The following ZNF516 variants were observed in gnomAD, a reference collection of about 807,000 sequenced individuals.
ZNF516 encodes the protein zinc finger protein 516.
ZNF516 carries 19 observed loss-of-function variants against 79.7 expected under a neutral mutation model. The observed-to-expected ratio is 0.24, with a 90% confidence interval of 0.17 to 0.35. The LOEUF is 0.35. ZNF516 is among the 10% of genes least tolerant of loss of function. The probability of loss-of-function intolerance (pLI) is 1.00; values close to 1 mark genes in which losing one functional copy is unlikely to be tolerated. For synonymous variants in ZNF516, 877 were observed against 739.5 expected (o/e 1.19, Z -3.02); for missense variants, 1,678 against 1,679.5 (o/e 1.00, Z 0.02).
At chr18:76,421,404 G>A (rs2075505563) in intron 3 of ZNF516, among the ~76,000 whole-genome samples, 1 of 152,182 alleles carries the variant, frequency 6.6e-6, no homozygotes, top group South Asian at 2.1e-4. Context: ...GAGCTTTAAG[G>A]AACAAGTCCC....
intron 3 of ZNF516, among the ~76,000 whole-genome samples, chr18:76,421,966 T>C (rs1414147281): frequency 6.6e-6 from 1 of 152,172 alleles, no homozygotes; most frequent in Non-Finnish European, 1.5e-5. Context: ...TTTTGTTTTG[T>C]TTTGTTTTTT....
intron 5 of ZNF516, 96 bp downstream of exon 5, chr18:76,371,371 C>T: frequency 1.6e-6 from 2 of 1,272,010 alleles, no homozygotes; most frequent in Non-Finnish European, 2.2e-6. Flanking sequence ...GGGCTGAAAT[C>T]TCAGTATCTC....
chr18:76,384,254 GC>G (rs1254532001), intron 3 of ZNF516, among the ~76,000 whole-genome samples: 1 of 149,752 alleles, frequency 6.7e-6, no homozygotes, highest in Non-Finnish European at 1.5e-5. Flanking sequence ...ACACACCCGT[GC>G]CCCCTCCACG....
At chr18:76,481,065 T>C (rs1238995552) in intron 1 of ZNF516, among the ~76,000 whole-genome samples, 2 of 152,138 alleles carry the variant, frequency 1.3e-5, no homozygotes, top group African/African-American at 4.8e-5. Flanking sequence ...GTTTCTGAGC[T>C]GAGGAGGGTG....
Position 76,493,108 on chromosome 18 carries a change from TC to T in ZNF516, c.-272+2035del, listed in dbSNP as rs370584253. 44 of 983,394 alleles carry T rather than the reference TC, an allele frequency of 4.5e-5. No individual in the cohort carries two copies. The highest frequency in any genetic ancestry group is 3.1e-4 in the Admixed American group (5 of 16,190). 60.9% of individuals were successfully genotyped at this position (983,394 alleles called of 1,614,324 possible). On this transcript the variant is annotated intron_variant, in intron 1 of 6. Coordinates refer to ENST00000443185, the MANE Select transcript of ZNF516 (RefSeq NM_014643.4). The surrounding 1 kb of genome is among the most constrained non-coding windows in gnomAD (Gnocchi z 5.2). ...GCAAAGCTGTTTCCTTTTTTTTTTT[TC>T]CTCCTCTCCTCCCTACCGTTTCATT...
intron 1 of ZNF516, among the ~76,000 whole-genome samples, chr18:76,464,999 C>T (rs1913372729): frequency 6.6e-6 from 1 of 152,168 alleles, no homozygotes; most frequent in African/African-American, 2.4e-5. Context: ...GCTGCACCCT[C>T]CTCACCTTCA....
chr18:76,440,519 T>C (rs972441711), intron 3 of ZNF516, among the ~76,000 whole-genome samples: 2 of 152,160 alleles, frequency 1.3e-5, no homozygotes, highest in African/African-American at 4.8e-5. Context: ...ATAAAAGAAA[T>C]ATCAAAATGT....
chr18:76,480,529 A>ATATTT (rs374464151), intron 1 of ZNF516, among the ~76,000 whole-genome samples: 23 of 142,016 alleles, frequency 1.6e-4, no homozygotes, highest in African/African-American at 3.4e-4. Context: ...ACACACATAT[A>ATATTT]TTTTTTTTTT....
At chr18:76,435,098 C>T (rs11665518) in intron 3 of ZNF516, among the ~76,000 whole-genome samples, 44,822 of 152,096 alleles carry the variant, frequency 0.29, 7,403 homozygotes, top group East Asian at 0.45. Context: ...TCTTAGTTCC[C>T]TCCCACCTCG....
rs1912931266 is a variant in ZNF516, at chr18:76,459,077, G to A, written c.-158+3951C>T. On this transcript the variant is annotated intron_variant, in intron 2 of 6. Coordinates refer to ENST00000443185, the MANE Select transcript of ZNF516 (RefSeq NM_014643.4). The surrounding 1 kb of genome is among the most constrained non-coding windows in gnomAD (Gnocchi z 5.0). ...CACTCATTCAAATACCCTACCTGGA[G>A]GCAAACACGCATGTCCACTTCCAAC... 2.0e-5 allele frequency among the ~76,000 whole-genome samples: 3 copies of A among 152,230 alleles called. No homozygotes were observed. Among genetic ancestry groups the A allele is most frequent in the African/African-American group, 7.2e-5 (3 of 41,456 alleles).
intron 5 of ZNF516, 115 bp from the exon 6 acceptor site, chr18:76,370,710 T>C: frequency 1.2e-6 from 1 of 847,286 alleles, no homozygotes; most frequent in Non-Finnish European, 1.7e-6. Flanking sequence ...GCGCCTAGCC[T>C]GTGGCTGGAA....
intron 1 of ZNF516, among the ~76,000 whole-genome samples, chr18:76,464,809 C>A (rs9966746): frequency 0.022 from 3,405 of 152,358 alleles, 49 homozygotes; most frequent in Middle Eastern, 0.034. Flanking sequence ...GTTAAAAAGT[C>A]TCCTTTTTTT....
At chr18:76,387,486 T>G (rs1335259075) in intron 3 of ZNF516, 1 of 152,218 alleles carries the variant, frequency 6.6e-6, no homozygotes, top group Non-Finnish European at 1.5e-5. Flanking sequence ...GTGGTAGGTT[T>G]ATAAAATACA....
In ZNF516 at chr18:76,440,761, T is replaced by TGCGC. The variant is rs1555711328; in HGVS notation, c.1810+480_1810+483dup. Among the ~76,000 whole-genome samples, 927 of 150,218 alleles carry TGCGC rather than the reference T, an allele frequency of 6.2e-3. 10 individuals are homozygous for TGCGC. Among genetic ancestry groups the TGCGC allele is most frequent in the African/African-American group, 0.021 (874 of 40,844 alleles). ...GTGTGTTTGTGTGTGTGTGTGTGTG[T>TGCGC]GCGCGCACGCGCGCATGCATCGTAT... On this transcript the variant is annotated intron_variant, in intron 3 of 6. Transcript: ENST00000443185.
chr18:76,439,534 TATA>T (rs1364948275), intron 3 of ZNF516, among the ~76,000 whole-genome samples: 1 of 152,210 alleles, frequency 6.6e-6, no homozygotes, highest in African/African-American at 2.4e-5. Context: ...GAAAAATATA[TATA>T]ATGTCTTTAA....
At chr18:76,436,225 C>G (rs2075732332) in intron 3 of ZNF516, among the ~76,000 whole-genome samples, 1 of 152,220 alleles carries the variant, frequency 6.6e-6, no homozygotes, top group Non-Finnish European at 1.5e-5. Flanking sequence ...GCCACCAAGA[C>G]CCCCTCAGAA....
intron 1 of ZNF516, among the ~76,000 whole-genome samples, chr18:76,485,104 T>C (rs1243245592): frequency 6.6e-6 from 1 of 152,212 alleles, no homozygotes; most frequent in Non-Finnish European, 1.5e-5. Flanking sequence ...CCTCTCATTT[T>C]AAAAAGTAAA....
rs554643962 is a variant in ZNF516 at position 76,399,201 on chromosome 18, T to C, written c.1811-18898A>G. ...CACTTTTCAACAACAGGCATTTATC[T>C]GCAAAAGACTTACACCAAGAGCTTG... On this transcript the variant is annotated intron_variant, in intron 3 of 6. Transcript: ENST00000443185. Among the ~76,000 whole-genome samples, 33 of 39,122 alleles carry C rather than the reference T, an allele frequency of 8.4e-4. No homozygotes were observed. In the South Asian group the frequency reaches 0.031, roughly 36 times the overall value. 25.7% of individuals were successfully genotyped at this position (39,122 alleles called of 152,430 possible).
chr18:76,482,228 T>A (rs983573991), intron 1 of ZNF516, among the ~76,000 whole-genome samples: 2 of 152,210 alleles, frequency 1.3e-5, no homozygotes, highest in Non-Finnish European at 2.9e-5. Context: ...AAGTTTTGGT[T>A]CACATCTACC....
Sources: allele counts gnomAD v4.1 joint callset (sites outside exome capture counted in the v4.1 genomes callset), GRCh38; gene constraint gnomAD v4.1.1; non-coding constraint Gnocchi (gnomAD v3.1); transcripts MANE v1.5; gene names NCBI Gene and HGNC (gene_info 2026-07-23, HGNC 2026-07-21).